PHACTR4: variants seen among roughly 807,000 people sequenced by gnomAD.
PHACTR4 encodes the protein phosphatase and actin regulator 4.
In PHACTR4, 51 loss-of-function variants were observed where a neutral mutation model predicts 72.7. That is an observed-to-expected ratio of 0.70 (90% CI 0.56 to 0.89). PHACTR4 has a LOEUF of 0.89. Ranked by LOEUF, PHACTR4 falls within the 40% of genes least tolerant of loss-of-function variation. The pLI is 0.00. For missense variants in PHACTR4, 731 were observed against 861.8 expected (o/e 0.85, Z 1.90); for synonymous variants, 255 against 302.5 (o/e 0.84, Z 1.63).
Position 28,465,625 on chromosome 1 carries a change from C to T in PHACTR4, c.272-60C>T. The T allele has an allele frequency of 1.3e-6, 2 of 1,485,274 alleles. 1 individual carries two copies. Among genetic ancestry groups the T allele is most frequent in the Non-Finnish European group, 1.8e-6 (2 of 1,094,588 alleles). 92.0% of individuals were successfully genotyped at this position (1,485,274 alleles called of 1,614,324 possible). On this transcript the variant is annotated intron_variant, in intron 4 of 13. Coordinates refer to ENST00000373839, the MANE Select transcript of PHACTR4 (RefSeq NM_001048183.3). ...GAGAAAGAAAAAAAGAAATTACTAA[C>T]TCTTCTTTCTATCTGTTCATGCCAA...
At chr1:28,405,201 T>C (rs752722582) in intron 1 of PHACTR4, among the ~76,000 whole-genome samples, 3 of 152,182 alleles carry the variant, frequency 2.0e-5, no homozygotes, top group Non-Finnish European at 1.5e-5. Context: ...TATTGAGTTA[T>C]TGTTCTTTAT....
In PHACTR4 at chr1:28,465,849, G is replaced by C. The variant is rs1659127102; in HGVS notation, c.436G>C (p.Gly146Arg). 1 of 1,599,964 alleles carries C rather than the reference G, an allele frequency of 6.3e-7. No individual in the cohort carries two copies. Among genetic ancestry groups the C allele is most frequent in the African/African-American group, 1.4e-5 (1 of 73,852 alleles). Residue 146 changes from glycine to arginine, a missense_variant and splice_region_variant, in exon 5 of 14, where the codon GGC (glycine) becomes CGC (arginine). Transcript: ENST00000373839. The stretch of plus-strand genomic sequence containing the variant: ...AGAAGAGGACCTAAAGAAACGACTA[G>C]GTAAGAAACTCTGGATTTTTGAGTT... ...IPEEDLKKRL[G>R]STGSQPNSEA... is the part of the protein sequence containing the mutation.
At chr1:28,457,900 T>C in intron 2 of PHACTR4, 2 of 983,990 alleles carry the variant, frequency 2.0e-6, no homozygotes, top group Non-Finnish European at 2.4e-6. Flanking sequence ...CTGCTTTTTT[T>C]TGGTTGCCTT....
chr1:28,375,995 G>T (rs1357430096), intron 1 of PHACTR4, among the ~76,000 whole-genome samples: 1 of 152,020 alleles, frequency 6.6e-6, no homozygotes, highest in Non-Finnish European at 1.5e-5. Context: ...CTTGAACTCG[G>T]GAGGCGGAGG....
Position 28,496,804 on chromosome 1 carries a change from T to G in PHACTR4, c.*255T>G. The G allele has an allele frequency of 1.8e-6, 1 of 557,654 alleles. No homozygotes were observed. Among genetic ancestry groups the G allele is most frequent in the Non-Finnish European group, 3.2e-6 (1 of 311,654 alleles). The allele number at this position is 557,654 out of a possible 1,614,324, so 34.5% of individuals were successfully genotyped here. On this transcript the variant is annotated 3_prime_UTR_variant, in exon 14 of 14. Transcript: ENST00000373839. ...CATGCTTGAGGAGTTTTTCCCTTAC[T>G]GGCCACCAAAGTTCTGAACCACTTG...
At chr1:28,496,373 G>A (rs1368675357) in intron 13 of PHACTR4, among the ~76,000 whole-genome samples, 161 bp from the exon 14 acceptor site, 1 of 151,950 alleles carries the variant, frequency 6.6e-6, no homozygotes, top group African/African-American at 2.4e-5. Context: ...GTTTTAAGAA[G>A]GAAGCAGATG....
chr1:28,448,336 T>A (rs982844858), intron 2 of PHACTR4, among the ~76,000 whole-genome samples: 5 of 149,894 alleles, frequency 3.3e-5, no homozygotes, highest in Non-Finnish European at 7.4e-5. Flanking sequence ...CCTCAGGTGA[T>A]CACACCATTG....
intron 7 of PHACTR4, among the ~76,000 whole-genome samples, chr1:28,475,122 A>G (rs1054571607): frequency 2.8e-4 from 42 of 150,914 alleles, no homozygotes; most frequent in African/African-American, 8.8e-4. Flanking sequence ...GCTAATTTTT[A>G]TATTTTTTGT....
At chr1:28,478,719 G>T (rs1192470905) in intron 8 of PHACTR4, among the ~76,000 whole-genome samples, 2 of 151,668 alleles carry the variant, frequency 1.3e-5, no homozygotes, top group African/African-American at 4.8e-5. Flanking sequence ...CTCCCAAAGT[G>T]CTGGGATTAC....
chr1:28,378,243 T>C (rs992355897), intron 1 of PHACTR4, among the ~76,000 whole-genome samples: 9 of 140,932 alleles, frequency 6.4e-5, no homozygotes, highest in Non-Finnish European at 1.4e-4. Context: ...GGCTCACACC[T>C]GTATTCCCAG....
At chr1:28,392,128 C>A (rs1158699354) in intron 1 of PHACTR4, among the ~76,000 whole-genome samples, 1 of 152,094 alleles carries the variant, frequency 6.6e-6, no homozygotes, top group African/African-American at 2.4e-5. Context: ...AAAAGAAATT[C>A]CAGCAACAAA....
chr1:28,467,855 T>G (rs1342695869), intron 6 of PHACTR4, among the ~76,000 whole-genome samples: 1 of 152,196 alleles, frequency 6.6e-6, no homozygotes, highest in Non-Finnish European at 1.5e-5. Context: ...CTACTTTCTT[T>G]ATATAAATGC....
chr1:28,455,815 G>T (rs898229617), intron 2 of PHACTR4, among the ~76,000 whole-genome samples: 6 of 152,160 alleles, frequency 3.9e-5, no homozygotes, highest in African/African-American at 1.4e-4. Flanking sequence ...AGAATATGAG[G>T]ATATGAATAT....
intron 8 of PHACTR4, among the ~76,000 whole-genome samples, chr1:28,479,842 G>A (rs1407183611): frequency 6.6e-6 from 1 of 152,162 alleles, no homozygotes; most frequent in African/African-American, 2.4e-5. Context: ...GCAATGAGCT[G>A]AAATCGTGAC....
At chr1:28,481,748 C>T (rs1372206893) in intron 9 of PHACTR4, among the ~76,000 whole-genome samples, 2 of 150,430 alleles carry the variant, frequency 1.3e-5, no homozygotes, top group Non-Finnish European at 3.0e-5. Flanking sequence ...TGAGATCGCG[C>T]CACTGTACTG....
At chr1:28,491,107 G>A (rs550749116) in intron 11 of PHACTR4, 95 bp downstream of exon 11, 39 of 1,288,420 alleles carry the variant, frequency 3.0e-5, no homozygotes, top group Admixed American at 7.6e-5. Context: ...AGTGGCTTGC[G>A]CCTGTAATCC....
Position 28,474,063 on chromosome 1 carries a change from C to T in PHACTR4, c.1333C>T (p.Leu445Phe), listed in dbSNP as rs371046710. 6 of 1,614,052 alleles carry T rather than the reference C, an allele frequency of 3.7e-6. No homozygotes were observed. The highest frequency in any genetic ancestry group is 5.1e-6 in the Non-Finnish European group (6 of 1,180,042). Reference sequence around the variant, plus strand: ...GGGTTCTCACAGAGCTCATTCGTTGCTTTTTGAAAACAGTGACAGCTTTTC... The same window carrying T: ...GGGTTCTCACAGAGCTCATTCGTTGTTTTTTGAAAACAGTGACAGCTTTTC... ...LEGSHRAHSL[L>F]FENSDSFSED... The change falls in exon 7 of 14, where the codon CTT (leucine) becomes TTT (phenylalanine). Residue 445 changes from leucine (L) to phenylalanine (F), a missense_variant. By Grantham distance (22) the Leu-to-Phe change is conservative. Transcript: ENST00000373839.
chr1:28,476,410 G>A, intron 8 of PHACTR4, 119 bp downstream of exon 8: 4 of 1,034,112 alleles, frequency 3.9e-6, no homozygotes, highest in Non-Finnish European at 5.4e-6. Flanking sequence ...AAGTCATCTG[G>A]CTAACTGATG....
At chr1:28,461,148 A>G (rs548916734) in intron 4 of PHACTR4, among the ~76,000 whole-genome samples, 11 of 152,032 alleles carry the variant, frequency 7.2e-5, no homozygotes, top group Admixed American at 4.6e-4. Flanking sequence ...TGAAAGCCAT[A>G]TTGTATACTG....
Sources: gnomAD v4.1 joint callset for allele counts (sites outside exome capture counted in the v4.1 genomes callset) on GRCh38, gnomAD v4.1.1 for gene constraint, MANE v1.5 for transcripts, NCBI Gene and HGNC (gene_info 2026-07-23, HGNC 2026-07-21) for gene names.